GOLM1: variants seen among roughly 807,000 people sequenced by gnomAD.
GOLM1 encodes epididymis luminal protein 46.
In GOLM1, 31 loss-of-function variants were observed where a neutral mutation model predicts 50.5. That is an observed-to-expected ratio of 0.61 (90% CI 0.46 to 0.83). GOLM1 has a LOEUF of 0.83. Ranked by LOEUF, GOLM1 falls within the 40% of genes least tolerant of loss-of-function variation. The probability of loss-of-function intolerance (pLI) is 0.00; values close to 1 mark genes in which losing one functional copy is unlikely to be tolerated. For synonymous variants in GOLM1, 178 were observed against 192.8 expected (o/e 0.92, Z 0.64); for missense variants, 491 against 501.3 (o/e 0.98, Z 0.20).
intron 1 of GOLM1, among the ~76,000 whole-genome samples, chr9:86,082,895 T>G (rs556272690): frequency 6.6e-5 from 10 of 152,346 alleles, no homozygotes; most frequent in African/African-American, 2.4e-4. Flanking sequence ...CCAAACAAGA[T>G]CACACCATTC....
intron 3 of GOLM1, among the ~76,000 whole-genome samples, chr9:86,074,302 C>CTTCACCTAA (rs1834542963): frequency 6.6e-6 from 1 of 150,926 alleles, no homozygotes; most frequent in South Asian, 2.1e-4. Context: ...TAAGCCCATC[C>CTTCACCTAA]ATGTAGCCAA....
At chr9:86,053,488 T>C (rs1432469806) in intron 3 of GOLM1, among the ~76,000 whole-genome samples, 15 of 11,430 alleles carry the variant, frequency 1.3e-3, no homozygotes, top group African/African-American at 2.1e-3. Context: ...ACCACACACA[T>C]CACATACCAC....
chr9:86,039,082 A>T (rs1002155928), intron 6 of GOLM1, among the ~76,000 whole-genome samples: 22 of 152,234 alleles, frequency 1.4e-4, no homozygotes, highest in African/African-American at 4.8e-4. Flanking sequence ...AATAGATTTT[A>T]AAAACTCTTA....
In GOLM1 at chr9:86,026,955, T is replaced by G. The variant is rs1832805349; in HGVS notation, c.*862A>C. 1 of 985,228 alleles carries G rather than the reference T, an allele frequency of 1.0e-6. No individual in the cohort carries two copies. Among genetic ancestry groups the G allele is most frequent in the African/African-American group, 1.7e-5 (1 of 57,248 alleles). 61.0% of individuals were successfully genotyped at this position (985,228 alleles called of 1,614,324 possible). A position where few individuals can be genotyped will look rare whatever the true frequency, so the allele number is the denominator to read the frequency against. On this transcript the variant is annotated 3_prime_UTR_variant, in exon 10 of 10. Coordinates refer to ENST00000388712, the MANE Select transcript of GOLM1 (RefSeq NM_016548.4). The stretch of plus-strand genomic sequence containing the variant: ...TCCAGTAATAAAGTAGGCACAGATC[T>G]GTCCACAACAAACTTGCCCTCTCAT...
chr9:86,054,052 G>A (rs1458005890), intron 3 of GOLM1, among the ~76,000 whole-genome samples: 1 of 152,168 alleles, frequency 6.6e-6, no homozygotes, highest in Non-Finnish European at 1.5e-5. Flanking sequence ...GAGTCTATAA[G>A]CTTAGGAACT....
intron 3 of GOLM1, among the ~76,000 whole-genome samples, chr9:86,062,711 A>C (rs1834197443): frequency 6.8e-6 from 1 of 147,556 alleles, no homozygotes; most frequent in Non-Finnish European, 1.5e-5. Context: ...GAGGAAGGAA[A>C]AAGGAGGAGA....
chr9:86,044,398 A>G (rs1310271112), intron 5 of GOLM1, among the ~76,000 whole-genome samples: 2 of 152,318 alleles, frequency 1.3e-5, no homozygotes, highest in South Asian at 2.1e-4. Flanking sequence ...CAGGTGGACA[A>G]TGTTTTGGAG....
At position 86,027,198 on chromosome 9, in the gene GOLM1, C is replaced by A. The variant is rs939209431; in HGVS notation, c.*619G>T. 3.0e-6 allele frequency: 3 copies of A among 985,112 alleles called. No individual in the cohort carries two copies. The highest frequency in any genetic ancestry group is 5.2e-4 in the Middle Eastern group (1 of 1,914). 61.0% of individuals were successfully genotyped at this position (985,112 alleles called of 1,614,324 possible). ...ATTAAAAATGACAAGGGTTATTATACAAGTAGCCTTTTAAAAAATTCTCAC... is the reference window on the plus strand; with the variant it reads ...ATTAAAAATGACAAGGGTTATTATAAAAGTAGCCTTTTAAAAAATTCTCAC... On this transcript the variant is annotated 3_prime_UTR_variant, in exon 10 of 10. Coordinates refer to ENST00000388712, the MANE Select transcript of GOLM1 (RefSeq NM_016548.4).
chr9:86,040,759 T>G lies in GOLM1; in HGVS notation c.577A>C (p.Asn193His). 6.2e-7 allele frequency: 1 copy of G among 1,613,596 alleles called. No homozygotes were observed. Among genetic ancestry groups the G allele is most frequent in the Non-Finnish European group, 8.5e-7 (1 of 1,179,868 alleles). The change falls in exon 6 of 10, where the codon AAC (asparagine) becomes CAC (histidine). Residue 193 changes from asparagine (N) to histidine (H), a missense_variant. Physicochemically the swap from Asn to His is moderately conservative, Grantham distance 68. Coordinates refer to ENST00000388712, the MANE Select transcript of GOLM1 (RefSeq NM_016548.4). Reference sequence around the variant, plus strand: ...GTTACCTGCTGTCTCTGGTCGTTGTTTTCACTCAGGTCTCTGGAAGCTACA... The same window carrying G: ...GTTACCTGCTGTCTCTGGTCGTTGTGTTCACTCAGGTCTCTGGAAGCTACA... ...EAVASRDLSE[N>H]NDQRQQLQAL... is the part of the protein sequence containing the mutation.
chr9:86,046,674 G>T, intron 4 of GOLM1, 102 bp from the exon 5 acceptor site: 2 of 736,408 alleles, frequency 2.7e-6, no homozygotes, highest in South Asian at 3.0e-5. Flanking sequence ...ACCATAAAGG[G>T]CAAGGACAGA....
chr9:86,084,625 T>C (rs1444951015), intron 1 of GOLM1, among the ~76,000 whole-genome samples: 5 of 152,206 alleles, frequency 3.3e-5, no homozygotes, highest in Non-Finnish European at 7.3e-5. Flanking sequence ...ATGTACTATT[T>C]TCCAACCCTT....
intron 9 of GOLM1, among the ~76,000 whole-genome samples, chr9:86,030,215 T>G (rs1832927899): frequency 1.3e-5 from 1 of 78,368 alleles, no homozygotes; most frequent in African/African-American, 6.9e-5. Context: ...TGAGACTCTG[T>G]CTCAAAAAAA....
At chr9:86,047,784 A>G (rs1196567664) in intron 4 of GOLM1, among the ~76,000 whole-genome samples, 1 of 152,252 alleles carries the variant, frequency 6.6e-6, no homozygotes, top group African/African-American at 2.4e-5. Flanking sequence ...TCACAGTGAC[A>G]TGGACGAATC....
chr9:86,096,618 T>TGAGATA (rs1439456431), intron 1 of GOLM1, among the ~76,000 whole-genome samples: 3 of 152,240 alleles, frequency 2.0e-5, no homozygotes, highest in Non-Finnish European at 4.4e-5. Flanking sequence ...CAGCCTTGCA[T>TGAGATA]GAGATACCTC....
At chr9:86,036,202 C>G in intron 7 of GOLM1, 146 bp downstream of exon 7, 1 of 788,352 alleles carries the variant, frequency 1.3e-6, no homozygotes, top group Non-Finnish European at 2.2e-6. Context: ...CCCAAAGCCC[C>G]AATTCCAGGG....
rs562304890 is a variant in GOLM1, at chr9:86,046,674, G to C, written c.365-102C>G. ...AGACTCACACATCAGACCATAAAGG[G>C]CAAGGACAGATTGGGACAAAGGAGG... On this transcript the variant is annotated intron_variant, in intron 4 of 9. Transcript: ENST00000388712. 37 of 736,408 alleles carry C rather than the reference G, an allele frequency of 5.0e-5. No homozygotes were observed. In the East Asian group the frequency reaches 1.0e-3, roughly 20 times the overall value. The allele number at this position is 736,408 out of a possible 1,614,324, so 45.6% of individuals were successfully genotyped here.
chr9:86,059,899 CA>C (rs139699884), intron 3 of GOLM1, among the ~76,000 whole-genome samples: 7,197 of 52,612 alleles, frequency 0.14, 199 homozygotes, highest in African/African-American at 0.2. Flanking sequence ...GAGTCTATCT[CA>C]AAAAAAAAAA....
intron 3 of GOLM1, among the ~76,000 whole-genome samples, chr9:86,056,707 T>C (rs576557940): frequency 2.6e-5 from 4 of 152,146 alleles, no homozygotes; most frequent in South Asian, 4.2e-4. Context: ...GGTTTCACCA[T>C]GTTGGCCAGG....
rs753183065 is a variant in GOLM1 at position 86,060,876 on chromosome 9, CAAAAAAAAAAAAAAAA to C, written c.310-8301_310-8286del. 5.9e-3 allele frequency among the ~76,000 whole-genome samples: 118 copies of C among 19,900 alleles called. 1 individual carries two copies. Among genetic ancestry groups the C allele is most frequent in the Admixed American group, 0.015 (21 of 1,406 alleles). 13.1% of individuals were successfully genotyped at this position (19,900 alleles called of 152,430 possible). A position where few individuals can be genotyped will look rare whatever the true frequency, so the allele number is the denominator to read the frequency against. ...CTGGGCAACAAGAGCGAAACTCTCT[CAAAAAAAAAAAAAAAA>C]AAAAAAAAAAAAAAAAAAAAAAGAA... On this transcript the variant is annotated intron_variant, in intron 3 of 9. Transcript: ENST00000388712.
Sources: allele counts gnomAD v4.1 joint callset (sites outside exome capture counted in the v4.1 genomes callset), GRCh38; gene constraint gnomAD v4.1.1; transcripts MANE v1.5; gene names NCBI Gene and HGNC (gene_info 2026-07-23, HGNC 2026-07-21).